ASIC2: variants seen among roughly 807,000 people sequenced by gnomAD.
The protein encoded by ASIC2 is acid-sensing ion channel 2.
Under a neutral mutation model 57.3 loss-of-function variants are expected in ASIC2, and 25 were observed. The ratio of observed to expected loss-of-function variants is 0.44; its 90% CI spans 0.32 to 0.61. The LOEUF (loss-of-function observed/expected upper bound fraction) is 0.61. Among genes scored for constraint, ASIC2 ranks in the 20% least tolerant of loss-of-function variants. The probability of loss-of-function intolerance (pLI) is 0.06; values close to 1 mark genes in which losing one functional copy is unlikely to be tolerated. For missense variants in ASIC2, 641 were observed against 738.1 expected, an observed-to-expected ratio of 0.87 and a Z score of 1.52; for synonymous variants, 319 against 307.5, an observed-to-expected ratio of 1.04 and a Z score of -0.39.
At chr17:34,088,917 C>T (rs1019988165) in intron 1 of ASIC2, among the ~76,000 whole-genome samples, 21 of 152,278 alleles carry the variant, frequency 1.4e-4, no homozygotes, top group African/African-American at 5.1e-4. Context: ...GGGAGTGACA[C>T]GATTTTCCAG....
intron 1 of ASIC2, among the ~76,000 whole-genome samples, chr17:33,376,805 TATC>T (rs141330704): frequency 2.6e-5 from 4 of 152,068 alleles, no homozygotes; most frequent in African/African-American, 4.8e-5. Flanking sequence ...CTCATTACAT[TATC>T]ATCATCATCA....
chr17:33,888,525 T>C (rs67809660), intron 1 of ASIC2, among the ~76,000 whole-genome samples: 19,613 of 151,994 alleles, frequency 0.13, 1,324 homozygotes, highest in South Asian at 0.2. Flanking sequence ...AAAAAGAACA[T>C]TACTGACCAC....
chr17:33,344,029 T>A (rs1471418162), intron 1 of ASIC2, among the ~76,000 whole-genome samples: 2 of 152,228 alleles, frequency 1.3e-5, no homozygotes, highest in Non-Finnish European at 2.9e-5. Context: ...TTCCAGCAAC[T>A]GTCCTGCCCT....
At chr17:33,737,967 T>A (rs559650599) in intron 1 of ASIC2, among the ~76,000 whole-genome samples, 2 of 151,968 alleles carry the variant, frequency 1.3e-5, no homozygotes, top group Non-Finnish European at 2.9e-5. Flanking sequence ...AATAAATAAA[T>A]AAAAATAAAA....
At chr17:33,379,497 G>C (rs953674143) in intron 1 of ASIC2, among the ~76,000 whole-genome samples, 1 of 152,146 alleles carries the variant, frequency 6.6e-6, no homozygotes, top group African/African-American at 2.4e-5. Flanking sequence ...ACCTTTTAAG[G>C]GGGTGAGGAT....
intron 1 of ASIC2, among the ~76,000 whole-genome samples, chr17:34,138,191 C>G (rs1912176301): frequency 1.3e-5 from 2 of 152,094 alleles, no homozygotes; most frequent in African/African-American, 4.8e-5. Flanking sequence ...ATCTTTTGTA[C>G]CTCAGTCCTC....
rs977232190 is a variant in ASIC2, at chr17:33,653,259, T to G, written c.555+502719A>C. Among the ~76,000 whole-genome samples, 7 of 152,320 alleles carry G rather than the reference T, an allele frequency of 4.6e-5. No individual in the cohort carries two copies. The East Asian group carries it at 1.2e-3, about 25-fold the overall frequency. On this transcript the variant is annotated intron_variant, in intron 1 of 9. Transcript: ENST00000359872. The stretch of plus-strand genomic sequence containing the variant: ...AGGGGCTGCCTTTAGATTTCTGCTC[T>G]GACACCACGTAATCAGTGAGGCCTC...
At chr17:33,962,158 A>G (rs1904945354) in intron 1 of ASIC2, among the ~76,000 whole-genome samples, 1 of 152,156 alleles carries the variant, frequency 6.6e-6, no homozygotes, top group African/African-American at 2.4e-5. Flanking sequence ...AGATTCTACC[A>G]TTTGCTAGTG....
At chr17:33,163,789 A>G (rs540568615) in intron 1 of ASIC2, among the ~76,000 whole-genome samples, 1 of 152,308 alleles carries the variant, frequency 6.6e-6, no homozygotes, top group Non-Finnish European at 1.5e-5. Flanking sequence ...AAAAGTACCA[A>G]GACAAGGATG....
At chr17:33,975,277 G>T (rs1240780138) in intron 1 of ASIC2, among the ~76,000 whole-genome samples, 1 of 152,160 alleles carries the variant, frequency 6.6e-6, no homozygotes, top group East Asian at 1.9e-4. Context: ...ACAGAAGCAG[G>T]GATCAGAGCC....
chr17:33,477,051 ATCTG>A (rs756986988), intron 1 of ASIC2, among the ~76,000 whole-genome samples: 3 of 152,172 alleles, frequency 2.0e-5, no homozygotes, highest in Admixed American at 1.3e-4. Flanking sequence ...CTATACATCT[ATCTG>A]TCTATCTGGC....
At chr17:33,460,746 G>T (rs1264840218) in intron 1 of ASIC2, among the ~76,000 whole-genome samples, 2 of 152,172 alleles carry the variant, frequency 1.3e-5, no homozygotes, top group East Asian at 1.9e-4. Flanking sequence ...GGTGCATACT[G>T]TTATAAATCC....
chr17:33,506,530 C>T (rs946304932), intron 1 of ASIC2, among the ~76,000 whole-genome samples: 1 of 151,964 alleles, frequency 6.6e-6, no homozygotes, highest in African/African-American at 2.4e-5. Context: ...CCCTAGGCAT[C>T]AATGAAAAAA....
intron 2 of ASIC2, among the ~76,000 whole-genome samples, chr17:33,097,005 G>C (rs968729454): frequency 6.6e-5 from 10 of 152,204 alleles, no homozygotes; most frequent in Non-Finnish European, 1.0e-4. Context: ...CCATTTTACA[G>C]ACAGGGAAAC....
chr17:33,332,656 T>C (rs1907360610), intron 1 of ASIC2, among the ~76,000 whole-genome samples: 1 of 152,132 alleles, frequency 6.6e-6, no homozygotes, highest in African/African-American at 2.4e-5. Context: ...TTTGGGAGGC[T>C]GAGGCAGGTG....
intron 1 of ASIC2, among the ~76,000 whole-genome samples, chr17:34,146,079 T>G (rs1159332946): frequency 2.0e-5 from 3 of 152,158 alleles, no homozygotes; most frequent in Non-Finnish European, 4.4e-5. Context: ...GCTCAGCTCT[T>G]CGGAGAAGGG....
chr17:33,660,639 T>C (rs1314523557), intron 1 of ASIC2, among the ~76,000 whole-genome samples: 1 of 152,238 alleles, frequency 6.6e-6, no homozygotes, highest in Non-Finnish European at 1.5e-5. Flanking sequence ...TTGTATGTGC[T>C]GTGCTTTTAC....
chr17:33,204,614 C>G (rs1348900411), intron 1 of ASIC2, among the ~76,000 whole-genome samples: 2 of 152,234 alleles, frequency 1.3e-5, no homozygotes, highest in Non-Finnish European at 2.9e-5. Context: ...GTAAGCCACA[C>G]TGACCAGTGC....
chr17:33,253,332 G>A (rs1908950092), intron 1 of ASIC2, among the ~76,000 whole-genome samples: 1 of 152,062 alleles, frequency 6.6e-6, no homozygotes, highest in Admixed American at 6.6e-5. Context: ...CTAGATTTTA[G>A]TCATGAGTGT....
Sources: gnomAD v4.1 joint callset for allele counts (sites outside exome capture counted in the v4.1 genomes callset) on GRCh38, gnomAD v4.1.1 for gene constraint, MANE v1.5 for transcripts, NCBI Gene and HGNC (gene_info 2026-07-23, HGNC 2026-07-21) for gene names.